DCAF6: variants seen among roughly 807,000 people sequenced by gnomAD.
The protein encoded by DCAF6 is DDB1 and CUL4 associated factor 6, also known as DDB1- and CUL4-associated factor 6.
DCAF6 carries 54 observed loss-of-function variants against 125.1 expected under a neutral mutation model. That is an observed-to-expected ratio of 0.43 (90% CI 0.35 to 0.54). DCAF6 has a LOEUF of 0.54. Among genes scored for constraint, DCAF6 ranks in the 20% least tolerant of loss-of-function variants. The pLI, the probability that DCAF6 is intolerant of heterozygous loss-of-function variation, is 0.01. For synonymous variants in DCAF6, 371 were observed against 390.4 expected (o/e 0.95, Z 0.58); for missense variants, 934 against 1,161.7 (o/e 0.80, Z 2.85).
chr1:168,067,386 A>C (rs1692471871), intron 20 of DCAF6, among the ~76,000 whole-genome samples: 1 of 152,184 alleles, frequency 6.6e-6, no homozygotes, highest in Non-Finnish European at 1.5e-5. Context: ...GTATACACAT[A>C]GTGTTTTGGA....
At chr1:167,959,374 G>A (rs1010311817) in intron 2 of DCAF6, among the ~76,000 whole-genome samples, 1 of 152,178 alleles carries the variant, frequency 6.6e-6, no homozygotes, top group Non-Finnish European at 1.5e-5. Context: ...ATACGTTTAC[G>A]TTCGTGTGCA....
intron 4 of DCAF6, among the ~76,000 whole-genome samples, chr1:167,977,074 T>A (rs1474360046): frequency 2.0e-5 from 3 of 151,372 alleles, no homozygotes; most frequent in African/African-American, 7.3e-5. Context: ...GCTAATTTTG[T>A]ATTTTTTTTA....
chr1:168,000,522 G>A (rs1401202810), intron 7 of DCAF6, among the ~76,000 whole-genome samples: 7 of 152,104 alleles, frequency 4.6e-5, no homozygotes, highest in Non-Finnish European at 1.0e-4. Flanking sequence ...ATACCCAAGA[G>A]AATTGAAACA....
chr1:167,872,171 T>C, the DCAF6 span, among the ~76,000 whole-genome samples: 1 of 152,070 alleles, frequency 6.6e-6, no homozygotes, highest in Non-Finnish European at 1.5e-5. Context: ...AAACCCCGTC[T>C]CTATTAAAAA....
At chr1:167,968,121 A>C (rs1676712867) in intron 3 of DCAF6, among the ~76,000 whole-genome samples, 1 of 152,210 alleles carries the variant, frequency 6.6e-6, no homozygotes, top group Admixed American at 6.5e-5. Flanking sequence ...TTATGGTAGT[A>C]GCAACCGTGT....
the DCAF6 span, among the ~76,000 whole-genome samples, chr1:167,877,588 T>C: frequency 6.6e-6 from 1 of 151,890 alleles, no homozygotes; most frequent in Admixed American, 6.6e-5. Flanking sequence ...AAGAAATAAT[T>C]AGTATCTTCA....
At chr1:167,901,589 GGA>G in the DCAF6 span, 3 of 1,448,170 alleles carry the variant, frequency 2.1e-6, no homozygotes, top group Non-Finnish European at 2.9e-6. Flanking sequence ...CTTCTCTTTG[GGA>G]GAGAGAGATG....
the DCAF6 span, chr1:167,896,789 AAC>A: frequency 1.2e-6 from 1 of 838,034 alleles, no homozygotes; most frequent in East Asian, 2.5e-5. Flanking sequence ...CTTTTGACTG[AAC>A]AGTGATTGGC....
In DCAF6 at chr1:168,011,111, AT is replaced by A. The variant is rs370763073; in HGVS notation, c.1379-4646del. On this transcript the variant is annotated intron_variant, in intron 10 of 21. Transcript: ENST00000367840. ...TAAATAGACTACTCAGACCATCAGA[AT>A]TTTTTTTTTTTTTTTTTTTTTTTGA... is the stretch of plus-strand genomic sequence containing the variant. 9.5e-3 allele frequency among the ~76,000 whole-genome samples: 1,050 copies of A among 110,344 alleles called. 7 individuals carry two copies. Among genetic ancestry groups the A allele is most frequent in the South Asian group, 0.03 (104 of 3,492 alleles). The allele number at this position is 110,344 out of a possible 152,430, so 72.4% of individuals were successfully genotyped here. A position where few individuals can be genotyped will look rare whatever the true frequency, so the allele number is the denominator to read the frequency against.
At chr1:167,932,029 C>T (rs1670925758), upstream of DCAF6, among the ~76,000 whole-genome samples, 1 of 152,136 alleles carries the variant, frequency 6.6e-6, no homozygotes, top group African/African-American at 2.4e-5. Flanking sequence ...TTAAGCACTG[C>T]AACAAGTTTC....
chr1:167,957,087 A>G (rs1674898444), intron 2 of DCAF6, among the ~76,000 whole-genome samples: 1 of 149,702 alleles, frequency 6.7e-6, no homozygotes, highest in African/African-American at 2.5e-5. Context: ...CATGTTGACT[A>G]TAAGTGGACA....
chr1:167,880,574 C>T, the DCAF6 span: 2 of 1,614,056 alleles, frequency 1.2e-6, no homozygotes, highest in South Asian at 1.1e-5. Context: ...GTACCTTTTC[C>T]CCAGGGAAGC....
chr1:167,986,886 A>C (rs1680085272), intron 4 of DCAF6, among the ~76,000 whole-genome samples: 1 of 152,232 alleles, frequency 6.6e-6, no homozygotes, highest in Admixed American at 6.5e-5. Flanking sequence ...AAGTGGATAC[A>C]GGCATATCTA....
At chr1:167,935,953 T>A (rs1671151438), upstream of DCAF6, 4 of 807,620 alleles carry the variant, frequency 5.0e-6, no homozygotes, top group East Asian at 1.1e-4. Flanking sequence ...CGCGTCCGCC[T>A]CTCGCCTGGA....
intron 17 of DCAF6, 27 bp from the exon 18 acceptor site, chr1:168,063,594 T>A (rs758758330): frequency 2.8e-6 from 4 of 1,432,106 alleles, no homozygotes; most frequent in Non-Finnish European, 3.7e-6. Flanking sequence ...TATTTATTTT[T>A]GTTTTTTTAA....
intron 14 of DCAF6, 125 bp from the exon 15 acceptor site, chr1:168,044,460 A>G (rs1344165388): frequency 8.7e-5 from 60 of 689,474 alleles, no homozygotes; most frequent in Non-Finnish European, 1.5e-4. Context: ...TGCATAGGTT[A>G]TATGCAAATA....
intron 1 of DCAF6, among the ~76,000 whole-genome samples, chr1:167,943,728 G>A (rs1156730645): frequency 6.6e-6 from 1 of 152,098 alleles, no homozygotes; most frequent in Non-Finnish European, 1.5e-5. Flanking sequence ...GAACACGTTT[G>A]TTTAGAACAC....
chr1:167,876,808 A>G, the DCAF6 span, among the ~76,000 whole-genome samples: 2 of 152,210 alleles, frequency 1.3e-5, no homozygotes, highest in African/African-American at 2.4e-5. Flanking sequence ...GCTTTTGTCA[A>G]TGGACTATCT....
chr1:168,061,739 T>C (rs1048835689), intron 17 of DCAF6, among the ~76,000 whole-genome samples: 1 of 152,208 alleles, frequency 6.6e-6, no homozygotes, highest in African/African-American at 2.4e-5. Flanking sequence ...TCAAAGCTTA[T>C]ATTACTTAAT....
Sources: gnomAD v4.1 joint callset for allele counts (sites outside exome capture counted in the v4.1 genomes callset) on GRCh38, gnomAD v4.1.1 for gene constraint, MANE v1.5 for transcripts, NCBI Gene and HGNC (gene_info 2026-07-23, HGNC 2026-07-21) for gene names.